The following ADGRL3 variants were observed in gnomAD, a reference collection of about 807,000 sequenced individuals.
ADGRL3 encodes calcium-independent alpha-latrotoxin receptor 3.
In ADGRL3, 62 loss-of-function variants were observed where a neutral mutation model predicts 153.5. The observed-to-expected ratio is 0.40, with a 90% CI of 0.33 to 0.50. The LOEUF (loss-of-function observed/expected upper bound fraction) is 0.50. ADGRL3 is among the 20% of genes least tolerant of loss of function. The probability of loss-of-function intolerance (pLI) is 0.47; values close to 1 mark genes in which losing one functional copy is unlikely to be tolerated. For synonymous variants in ADGRL3, 710 were observed against 672.5 expected (o/e 1.06, Z -0.86); for missense variants, 1,641 against 1,859.4 (o/e 0.88, Z 2.16).
At chr4:61,823,993 CAG>C (rs1286288069) in intron 9 of ADGRL3, among the ~76,000 whole-genome samples, 1 of 151,960 alleles carries the variant, frequency 6.6e-6, no homozygotes, top group Non-Finnish European at 1.5e-5. Context: ...TCCTGGGAGG[CAG>C]AGGTTGCAGT....
intron 1 of ADGRL3, among the ~76,000 whole-genome samples, chr4:61,216,986 C>T (rs1174310179): frequency 1.3e-5 from 2 of 152,108 alleles, no homozygotes; most frequent in Non-Finnish European, 2.9e-5. Context: ...CTAAGTGGGT[C>T]TTTAAATTGT....
intron 25 of ADGRL3, among the ~76,000 whole-genome samples, chr4:62,051,675 T>G (rs564700150): frequency 2.6e-4 from 39 of 151,844 alleles, no homozygotes; most frequent in Middle Eastern, 6.8e-3. Context: ...TCATAGATCC[T>G]TTTAAAAAGA....
At chr4:61,492,072 G>A (rs2098264867) in intron 2 of ADGRL3, among the ~76,000 whole-genome samples, 1 of 152,006 alleles carries the variant, frequency 6.6e-6, no homozygotes, top group Admixed American at 6.6e-5. Flanking sequence ...GGAAACTCCT[G>A]TATTACAATT....
At chr4:61,653,170 T>TCACACACACACA (rs34273823) in intron 5 of ADGRL3, among the ~76,000 whole-genome samples, 3 of 91,084 alleles carry the variant, frequency 3.3e-5, no homozygotes, top group South Asian at 6.7e-4. Context: ...TCTCTCTCTC[T>TCACACACACACA]CACACACACA....
intron 17 of ADGRL3, among the ~76,000 whole-genome samples, chr4:61,962,470 T>C (rs2098991575): frequency 6.6e-6 from 1 of 152,182 alleles, no homozygotes; most frequent in Non-Finnish European, 1.5e-5. Flanking sequence ...TTCATTTGCC[T>C]TGTTGCTAAT....
chr4:61,244,835 C>T (rs973737452), intron 1 of ADGRL3, among the ~76,000 whole-genome samples: 3 of 152,044 alleles, frequency 2.0e-5, no homozygotes, highest in Non-Finnish European at 4.4e-5. Flanking sequence ...TCACCGATGG[C>T]TTCTGTTCCA....
At chr4:61,638,814 G>A (rs2093542503) in intron 5 of ADGRL3, among the ~76,000 whole-genome samples, 1 of 152,160 alleles carries the variant, frequency 6.6e-6, no homozygotes, top group Non-Finnish European at 1.5e-5. Flanking sequence ...AGTGGTTAAA[G>A]CAAATCTTAA....
chr4:61,797,384 T>G (rs1356103785), intron 8 of ADGRL3, among the ~76,000 whole-genome samples: 1 of 152,184 alleles, frequency 6.6e-6, no homozygotes, highest in African/African-American at 2.4e-5. Context: ...ATTTGGGGAT[T>G]ATATTTTCTC....
intron 8 of ADGRL3, among the ~76,000 whole-genome samples, chr4:61,806,653 A>G (rs934709907): frequency 6.6e-6 from 1 of 152,056 alleles, no homozygotes; most frequent in African/African-American, 2.4e-5. Flanking sequence ...GAAAGGGTTA[A>G]ATAATTGGTA....
intron 2 of ADGRL3, among the ~76,000 whole-genome samples, chr4:61,471,169 G>A (rs1024526433): frequency 1.3e-5 from 2 of 151,660 alleles, no homozygotes; most frequent in African/African-American, 4.8e-5. Context: ...GTGCTTGCAA[G>A]TATTTACTTG....
chr4:61,698,901 AG>A (rs1356345734), intron 6 of ADGRL3, among the ~76,000 whole-genome samples: 1 of 152,208 alleles, frequency 6.6e-6, no homozygotes, highest in Non-Finnish European at 1.5e-5. Flanking sequence ...TTTTAACTGT[AG>A]GGTTTTGACT....
rs141556140 is a variant in ADGRL3, at chr4:61,736,380, G to A, written c.1399+2826G>A. Reference sequence around the variant, plus strand: ...AAAAGGATGCTATTGAAGGCTGGGCGTGGTGGCTCTTGCCTGTAATCCCAG... The same window carrying A: ...AAAAGGATGCTATTGAAGGCTGGGCATGGTGGCTCTTGCCTGTAATCCCAG... On this transcript the variant is annotated intron_variant, in intron 8 of 26. Transcript: ENST00000683033. Among the ~76,000 whole-genome samples the A allele has an allele frequency of 3.8e-4, 58 of 152,280 alleles. No homozygotes were observed. In the East Asian group the frequency reaches 6.4e-3, roughly 17 times the overall value.
chr4:61,384,858 G>A (rs747799079), intron 2 of ADGRL3, among the ~76,000 whole-genome samples: 1 of 151,984 alleles, frequency 6.6e-6, no homozygotes, highest in Non-Finnish European at 1.5e-5. Context: ...CTATTTATAT[G>A]GTAGACCCTC....
intron 1 of ADGRL3, among the ~76,000 whole-genome samples, chr4:61,316,550 G>C (rs763812723): frequency 3.3e-5 from 5 of 152,148 alleles, no homozygotes; most frequent in African/African-American, 4.8e-5. Context: ...GAAGAATGAC[G>C]TATCTTGTTT....
intron 1 of ADGRL3, among the ~76,000 whole-genome samples, chr4:61,336,090 A>C (rs1279194737): frequency 6.6e-6 from 1 of 152,216 alleles, no homozygotes; most frequent in Non-Finnish European, 1.5e-5. Flanking sequence ...TATTAGGTAT[A>C]TTCTACATGT....
At chr4:61,212,302 C>G (rs1740446977) in intron 1 of ADGRL3, 1 of 152,192 alleles carries the variant, frequency 6.6e-6, no homozygotes, top group African/African-American at 2.4e-5. Context: ...TTATTTTACA[C>G]TTGCTGTGTA....
chr4:61,890,382 CG>C (rs1473795433), intron 9 of ADGRL3, among the ~76,000 whole-genome samples: 1 of 152,102 alleles, frequency 6.6e-6, no homozygotes, highest in African/African-American at 2.4e-5. Flanking sequence ...ATACCCAAGA[CG>C]GGGTAATTTA....
intron 2 of ADGRL3, among the ~76,000 whole-genome samples, chr4:61,418,291 C>G (rs1282822883): frequency 6.6e-6 from 1 of 152,076 alleles, no homozygotes; most frequent in African/African-American, 2.4e-5. Flanking sequence ...GGATTGCTGC[C>G]AAGAGAATTG....
chr4:61,402,081 A>G (rs1208631027), intron 2 of ADGRL3, among the ~76,000 whole-genome samples: 1 of 152,116 alleles, frequency 6.6e-6, no homozygotes, highest in African/African-American at 2.4e-5. Context: ...TGAGGTTCCT[A>G]TAATTTTCAC....
Sources: gnomAD v4.1 joint callset for allele counts (sites outside exome capture counted in the v4.1 genomes callset) on GRCh38, gnomAD v4.1.1 for gene constraint, MANE v1.5 for transcripts, NCBI Gene and HGNC (gene_info 2026-07-23, HGNC 2026-07-21) for gene names.